Variants in TNRC6A observed in about 807,000 individuals in gnomAD.
TNRC6A encodes trinucleotide repeat-containing gene 6A protein.
TNRC6A carries 44 observed loss-of-function variants against 221.2 expected under a neutral mutation model. That is an observed-to-expected ratio of 0.20 (90% CI 0.16 to 0.26). TNRC6A has a LOEUF of 0.26. TNRC6A is among the 10% of genes least tolerant of loss of function. TNRC6A has a pLI of 1.00. For synonymous variants in TNRC6A, 847 were observed against 838.5 expected (o/e 1.01, Z -0.18); for missense variants, 2,199 against 2,404.4 (o/e 0.91, Z 1.79).
chr16:24,697,413 A>T (rs2055884608), intron 2 of TNRC6A, among the ~76,000 whole-genome samples: 1 of 152,148 alleles, frequency 6.6e-6, no homozygotes. Context: ...GGCCAGGCAC[A>T]GTGGCTCACA....
chr16:24,790,451 C>G lies in TNRC6A; in HGVS notation c.1809C>G (p.Thr603=). The G allele has an allele frequency of 6.2e-7, 1 of 1,614,154 alleles. No individual in the cohort carries two copies. Among genetic ancestry groups the G allele is most frequent in the Non-Finnish European group, 8.5e-7 (1 of 1,180,036 alleles). ...GAGGAAGTCGAAGAGGATGGGGAAC[C>G]CCTGCACAAAACACTGGCACTAATT... ...NSGGSRRGWG[T]PAQNTGTNLP... Residue 603 remains threonine (T), a synonymous_variant, in exon 6 of 25, where the codon ACC becomes ACG. Transcript: ENST00000395799.
At chr16:24,672,790 C>T (rs1016996275) in intron 2 of TNRC6A, among the ~76,000 whole-genome samples, 2 of 144,456 alleles carry the variant, frequency 1.4e-5, no homozygotes, top group Non-Finnish European at 3.0e-5. Context: ...AGAGAAGTGT[C>T]ATGATGCCTG....
At chr16:24,753,993 C>T (rs924830244) in intron 3 of TNRC6A, among the ~76,000 whole-genome samples, 1 of 152,128 alleles carries the variant, frequency 6.6e-6, no homozygotes, top group African/African-American at 2.4e-5. Flanking sequence ...CCTTTTCATG[C>T]AGAACATTAT....
chr16:24,723,357 G>A (rs142849868), intron 2 of TNRC6A, among the ~76,000 whole-genome samples: 1 of 152,262 alleles, frequency 6.6e-6, no homozygotes, highest in East Asian at 1.9e-4. Context: ...ACTTTGGCAG[G>A]CTGAGGCAGG....
intron 11 of TNRC6A, among the ~76,000 whole-genome samples, chr16:24,798,986 C>G (rs1251832840): frequency 1.3e-5 from 2 of 152,198 alleles, no homozygotes; most frequent in Admixed American, 6.5e-5. Context: ...AATCCACCCT[C>G]TAAGATACCA....
intron 4 of TNRC6A, among the ~76,000 whole-genome samples, chr16:24,760,419 A>G (rs1367511881): frequency 1.3e-5 from 2 of 152,218 alleles, no homozygotes; most frequent in Non-Finnish European, 2.9e-5. Context: ...TAAAATATGA[A>G]CATATTTAGT....
At chr16:24,643,103 TATATAAA>T (rs1282958899) in intron 2 of TNRC6A, among the ~76,000 whole-genome samples, 2 of 63,168 alleles carry the variant, frequency 3.2e-5, no homozygotes, top group African/African-American at 1.1e-4. Context: ...TTTATATATA[TATATAAA>T]ATATATATAT....
At chr16:24,617,845 G>A (rs1900450228) in intron 1 of TNRC6A, among the ~76,000 whole-genome samples, 2 of 152,126 alleles carry the variant, frequency 1.3e-5, no homozygotes, top group Admixed American at 1.3e-4. Flanking sequence ...CTGGAGATGT[G>A]TAGAAGACAT....
At chr16:24,730,390 T>A in intron 2 of TNRC6A, 90 bp downstream of exon 2, 1 of 1,471,278 alleles carries the variant, frequency 6.8e-7, no homozygotes, top group Non-Finnish European at 9.2e-7. Context: ...AGTTCCCCCG[T>A]GACATTTTCT....
At chr16:24,627,524 G>A (rs182994509) in intron 1 of TNRC6A, among the ~76,000 whole-genome samples, 2 of 152,008 alleles carry the variant, frequency 1.3e-5, no homozygotes, top group African/African-American at 4.8e-5. Flanking sequence ...TGTTTACTCT[G>A]ATCTTGGATT....
At chr16:24,626,236 G>C (rs1456258246) in intron 1 of TNRC6A, among the ~76,000 whole-genome samples, 3 of 151,812 alleles carry the variant, frequency 2.0e-5, no homozygotes, top group Non-Finnish European at 4.4e-5. Flanking sequence ...GTGCCACCAG[G>C]TTTCAGAATC....
At chr16:24,794,435 C>T (rs1051891753) in intron 7 of TNRC6A, 109 bp from the exon 8 acceptor site, 25 of 1,114,200 alleles carry the variant, frequency 2.2e-5, no homozygotes, top group South Asian at 5.2e-5. Flanking sequence ...TAAGTGTGCA[C>T]GTGTGTGTTT....
At chr16:24,652,809 T>C (rs1230756632) in intron 2 of TNRC6A, among the ~76,000 whole-genome samples, 1 of 152,204 alleles carries the variant, frequency 6.6e-6, no homozygotes, top group African/African-American at 2.4e-5. Context: ...TCTACCTCCC[T>C]GTAGATTAAG....
chr16:24,626,769 C>A (rs1460935017), intron 1 of TNRC6A, among the ~76,000 whole-genome samples: 2 of 151,226 alleles, frequency 1.3e-5, no homozygotes, highest in Non-Finnish European at 2.9e-5. Flanking sequence ...CTTGCCTCAG[C>A]CTCCTGAGTA....
intron 5 of TNRC6A, among the ~76,000 whole-genome samples, chr16:24,777,798 C>T (rs1270095990): frequency 6.6e-6 from 1 of 152,184 alleles, no homozygotes. Context: ...TCAGTTACCA[C>T]ATGCCATAAA....
intron 2 of TNRC6A, among the ~76,000 whole-genome samples, chr16:24,644,097 T>TTTC (rs1902144467): frequency 7.3e-6 from 1 of 137,046 alleles, no homozygotes; most frequent in Admixed American, 7.3e-5. Context: ...TTTTTTTTTT[T>TTTC]TTTTTTTGAG....
At chr16:24,660,368 T>C (rs113347957) in intron 2 of TNRC6A, among the ~76,000 whole-genome samples, 1 of 152,190 alleles carries the variant, frequency 6.6e-6, no homozygotes, top group East Asian at 1.9e-4. Context: ...CTTCGACTAA[T>C]AGTCTCCAAT....
intron 6 of TNRC6A, among the ~76,000 whole-genome samples, chr16:24,792,380 G>A (rs1381951113): frequency 2.0e-5 from 3 of 152,072 alleles, no homozygotes; most frequent in South Asian, 4.2e-4. Flanking sequence ...CAACATTTTT[G>A]TTAAGTGTGA....
chr16:24,804,751 G>A lies in TNRC6A; in HGVS notation c.3884G>A (p.Ser1295Asn), dbSNP rs977269901. 1.8e-5 allele frequency: 29 copies of A among 1,608,646 alleles called. No individual in the cohort carries two copies. The highest frequency in any genetic ancestry group is 2.2e-5 in the Non-Finnish European group (26 of 1,178,934). Reference sequence around the variant, plus strand: ...TCCCAAAACATGCAGTTTATGTCCAGTCAAAGCATGAAGCTTCCCCCTTCA... The same window carrying A: ...TCCCAAAACATGCAGTTTATGTCCAATCAAAGCATGAAGCTTCCCCCTTCA... ...DESQNMQFMS[S>N]QSMKLPPSNS... Residue 1295 changes from serine to asparagine, a missense_variant, in exon 13 of 25, where the codon AGT becomes AAT. Coordinates refer to ENST00000395799, the MANE Select transcript of TNRC6A (RefSeq NM_014494.4).
Sources: allele counts gnomAD v4.1 joint callset (sites outside exome capture counted in the v4.1 genomes callset), GRCh38; gene constraint gnomAD v4.1.1; transcripts MANE v1.5; gene names NCBI Gene and HGNC (gene_info 2026-07-23, HGNC 2026-07-21).